FRMPD3: variants seen among roughly 807,000 people sequenced by gnomAD.
FRMPD3 encodes FERM and PDZ domain containing 3.
A neutral mutation model predicts 97.9 loss-of-function variants in FRMPD3; 42 were observed. The ratio of observed to expected loss-of-function variants is 0.43; its 90% CI spans 0.34 to 0.55. The LOEUF is 0.55. Ranked by LOEUF, FRMPD3 falls within the 20% of genes least tolerant of loss-of-function variation. FRMPD3 has a pLI of 0.03. For missense variants in FRMPD3, 1,303 were observed against 1,457.7 expected, an observed-to-expected ratio of 0.89 and a Z score of 1.73; for synonymous variants, 577 against 581.1, an observed-to-expected ratio of 0.99 and a Z score of 0.10.
Position 107,600,581 on chromosome X carries a change from G to A in FRMPD3, c.2542G>A (p.Gly848Ser), listed in dbSNP as rs763319516. The change falls in exon 15 of 15, where the codon GGC becomes AGC. Residue 848 changes from glycine to serine, a missense_variant. Gly to Ser is a moderately conservative substitution (Grantham distance 56). Coordinates refer to ENST00000683843, the MANE Select transcript of FRMPD3 (RefSeq NM_001388459.1). ...PNPSLQPIAT[G>S]QSPGPPGARR... ...CCCATCTCTCCAACCCATTGCCACA[G>A]GCCAGAGTCCTGGCCCCCCTGGCGC... 38 of 1,209,123 alleles carry A rather than the reference G, an allele frequency of 3.1e-5. No homozygotes were observed. The Admixed American group carries it at 5.7e-4, about 18-fold the overall frequency.
intron 1 of FRMPD3, among the ~76,000 whole-genome samples, chrX:107,502,319 AG>A (rs1358101177): frequency 4.5e-5 from 5 of 111,095 alleles, no homozygotes; most frequent in Non-Finnish European, 9.5e-5. Flanking sequence ...GCTATGAAGG[AG>A]GGAAAAAGAA....
At position 107,522,365 on chromosome X, in the gene FRMPD3, G is replaced by A. The variant is rs938262328; in HGVS notation, c.-7-4217G>A. The A allele has an allele frequency of 3.5e-5, 19 of 546,247 alleles. No individual in the cohort carries two copies. In the South Asian group the frequency reaches 4.0e-4, roughly 11 times the overall value. 45.0% of individuals were successfully genotyped at this position (546,247 alleles called of 1,213,427 possible). A position where few individuals can be genotyped will look rare whatever the true frequency, so the allele number is the denominator to read the frequency against. The stretch of plus-strand genomic sequence containing the variant: ...ACAACACGGAGTGAACAGGCTCAGA[G>A]ACAGGTTAATTATGATGTGGGCTGA... On this transcript the variant is annotated intron_variant, in intron 1 of 14. Coordinates refer to ENST00000683843, the MANE Select transcript of FRMPD3 (RefSeq NM_001388459.1).
intron 13 of FRMPD3, among the ~76,000 whole-genome samples, chrX:107,591,161 CT>C (rs1250424424): frequency 1.7e-3 from 172 of 100,701 alleles, no homozygotes; most frequent in Admixed American, 2.3e-3. Context: ...TTCTTTCTTT[CT>C]TTTTTTTTTT....
chrX:107,596,962 C>T (rs1924203423), intron 13 of FRMPD3, among the ~76,000 whole-genome samples: 1 of 111,642 alleles, frequency 9.0e-6, no homozygotes, highest in South Asian at 3.7e-4. Flanking sequence ...GTGGGACATA[C>T]GTTTACAGCT....
rs1339175582 is a variant in FRMPD3 at position 107,604,126 on chromosome X, G to C, written c.*753G>C. 1 of 108,651 alleles carries C rather than the reference G, an allele frequency of 9.2e-6. No individual in the cohort carries two copies. The highest frequency in any genetic ancestry group is 9.7e-5 in the Admixed American group (1 of 10,306). The allele number at this position is 108,651 out of a possible 1,213,427, so 9.0% of individuals were successfully genotyped here. A position where few individuals can be genotyped will look rare whatever the true frequency, so the allele number is the denominator to read the frequency against. ...TTTGGGTAAGGTACCTGATGAAAAC[G>C]TCTGCCTGGGGAGACCCAGTGCAGG... On this transcript the variant is annotated 3_prime_UTR_variant, in exon 15 of 15. Transcript: ENST00000683843.
intron 8 of FRMPD3, among the ~76,000 whole-genome samples, chrX:107,557,797 CTATATATATA>C (rs59276897): frequency 0.11 from 3,438 of 29,919 alleles, 306 homozygotes; most frequent in African/African-American, 0.25. Flanking sequence ...AATCTGTTGT[CTATATATATA>C]TATATATATA....
At chrX:107,544,466 A>G (rs577748934) in intron 4 of FRMPD3, 5 of 111,877 alleles carry the variant, frequency 4.5e-5, no homozygotes, top group African/African-American at 1.3e-4. Context: ...CTTCTTTGCT[A>G]CCTAAAAGAT....
At chrX:107,521,253 A>G (rs1439340042) in intron 1 of FRMPD3, among the ~76,000 whole-genome samples, 1 of 112,471 alleles carries the variant, frequency 8.9e-6, no homozygotes, top group Non-Finnish European at 1.9e-5. Context: ...CTTCAATGCC[A>G]TAACCCAGTG....
At chrX:107,596,793 G>A (rs1336573265) in intron 13 of FRMPD3, among the ~76,000 whole-genome samples, 2 of 111,715 alleles carry the variant, frequency 1.8e-5, no homozygotes, top group South Asian at 3.7e-4. Context: ...CAAACTCTTC[G>A]GCATTATATG....
At chrX:107,487,832 G>C (rs752854739) in intron 1 of FRMPD3, among the ~76,000 whole-genome samples, 1 of 112,172 alleles carries the variant, frequency 8.9e-6, no homozygotes, top group African/African-American at 3.2e-5. Flanking sequence ...AAAACGTGGA[G>C]CTTCACTCTC....
intron 6 of FRMPD3, among the ~76,000 whole-genome samples, chrX:107,550,598 G>A (rs1937531901): frequency 8.9e-6 from 1 of 111,901 alleles, no homozygotes; most frequent in Admixed American, 9.4e-5. Flanking sequence ...ATAACAACCT[G>A]ATCTCAAGCA....
rs781013526 is a variant in FRMPD3, at chrX:107,601,955, CG to C, written c.3923del (p.Gly1308AlafsTer34). The C allele has an allele frequency of 2.6e-6, 3 of 1,170,247 alleles. No homozygotes were observed. Among genetic ancestry groups the C allele is most frequent in the South Asian group, 2.0e-5 (1 of 50,171 alleles). On this transcript the variant is annotated frameshift_variant, in exon 15 of 15. Coordinates refer to ENST00000683843, the MANE Select transcript of FRMPD3 (RefSeq NM_001388459.1). LOFTEE classifies it high-confidence loss of function. ...CAGCTGTGACTGCAAGCGCATCTGC[CG>C]GGGGGGCCGGCCACAAGCCACCCAG... Reference protein sequence around the residue: ...RRSCDCKRICRGGRPQATQTP... With the variant: ...RRSCDCKRICXGGRPQATQTP...
chrX:107,579,928 C>T (rs747622788), intron 13 of FRMPD3, among the ~76,000 whole-genome samples: 114 of 111,540 alleles, frequency 1.0e-3, no homozygotes, highest in Non-Finnish European at 3.6e-4. Context: ...TAGTTAAAAC[C>T]CAGCAAAATG....
At chrX:107,598,519 C>T (rs765349680) in intron 14 of FRMPD3, among the ~76,000 whole-genome samples, 1 of 111,674 alleles carries the variant, frequency 9.0e-6, no homozygotes, top group Non-Finnish European at 1.9e-5. Flanking sequence ...AAAAGGAAAA[C>T]GACCAACTCA....
At chrX:107,507,185 C>T (rs903012871) in intron 1 of FRMPD3, among the ~76,000 whole-genome samples, 22 of 110,404 alleles carry the variant, frequency 2.0e-4, no homozygotes, top group South Asian at 4.0e-4. Flanking sequence ...TGAGTTGGCG[C>T]GTCGGAAGCA....
Position 107,530,518 on chromosome X carries a change from G to C in FRMPD3, c.251+7G>C. The C allele has an allele frequency of 5.3e-6, 6 of 1,138,884 alleles. No individual in the cohort carries two copies. Among genetic ancestry groups the C allele is most frequent in the Non-Finnish European group, 7.1e-6 (6 of 842,680 alleles). The allele number at this position is 1,138,884 out of a possible 1,213,427, so 93.9% of individuals were successfully genotyped here. On this transcript the variant is annotated splice_region_variant and intron_variant, in intron 3 of 14. Transcript: ENST00000683843. ...GACTCATAGAACTTATCAGGTAACA[G>C]GGGCCTTTTGGCAGGAACTGATCAG... is the stretch of plus-strand genomic sequence containing the variant.
intron 13 of FRMPD3, among the ~76,000 whole-genome samples, chrX:107,581,814 G>A (rs1923403791): frequency 8.9e-6 from 1 of 112,003 alleles, no homozygotes; most frequent in Non-Finnish European, 1.9e-5. Context: ...GGTCATTCAT[G>A]TTGCAGCATG....
Position 107,525,188 on chromosome X carries a change from A to G in FRMPD3, c.-7-1394A>G, listed in dbSNP as rs377528317. ...GAGGCTAGAAAACTTAAACCCGTCT[A>G]TCTAGAAGGCCTAAAATTCTGGGGC... On this transcript the variant is annotated intron_variant, in intron 1 of 14. Transcript: ENST00000683843. Among the ~76,000 whole-genome samples the G allele has an allele frequency of 2.7e-5, 3 of 111,357 alleles. No homozygotes were observed. The East Asian group carries it at 8.5e-4, about 31-fold the overall frequency.
chrX:107,532,311 A>G (rs1923002384), intron 3 of FRMPD3, among the ~76,000 whole-genome samples: 1 of 112,618 alleles, frequency 8.9e-6, no homozygotes, highest in African/African-American at 3.2e-5. Context: ...GAGAACAGCC[A>G]GTGCAAAGGC....
Sources: allele counts gnomAD v4.1 joint callset (sites outside exome capture counted in the v4.1 genomes callset), GRCh38; gene constraint gnomAD v4.1.1; transcripts MANE v1.5; gene names NCBI Gene and HGNC (gene_info 2026-07-23, HGNC 2026-07-21).